RIMS1: variants seen among roughly 807,000 people sequenced by gnomAD.
RIMS1 encodes regulating synaptic membrane exocytosis 1, also known as regulating synaptic membrane exocytosis protein 1.
RIMS1 carries 83 observed loss-of-function variants against 214.1 expected under a neutral mutation model. The observed-to-expected ratio is 0.39, with a 90% CI of 0.32 to 0.47. The LOEUF (loss-of-function observed/expected upper bound fraction) is 0.47. Among genes scored for constraint, RIMS1 ranks in the 20% least tolerant of loss-of-function variants. The pLI is 0.99. For synonymous variants in RIMS1, 793 were observed against 786.8 expected (o/e 1.01, Z -0.13); for missense variants, 2,050 against 2,161.8 (o/e 0.95, Z 1.03).
chr6:72,149,648 C>A (rs951102042), intron 4 of RIMS1, among the ~76,000 whole-genome samples: 13 of 152,250 alleles, frequency 8.5e-5, no homozygotes, highest in African/African-American at 1.2e-4. Context: ...AGTCTGAGGA[C>A]AAAAAGTCTT....
intron 26 of RIMS1, among the ~76,000 whole-genome samples, chr6:72,296,980 C>A (rs985588983): frequency 2.0e-5 from 3 of 151,782 alleles, no homozygotes; most frequent in African/African-American, 7.3e-5. Flanking sequence ...TATTATTTCT[C>A]ACCCTTAGCA....
At chr6:72,355,750 G>A (rs759731561) in intron 29 of RIMS1, among the ~76,000 whole-genome samples, 1 of 152,026 alleles carries the variant, frequency 6.6e-6, no homozygotes, top group East Asian at 1.9e-4. Flanking sequence ...TAAATGAATC[G>A]TTGAGCTCCC....
intron 2 of RIMS1, among the ~76,000 whole-genome samples, chr6:71,971,896 A>G (rs1404083875): frequency 6.6e-6 from 1 of 152,204 alleles, no homozygotes; most frequent in Admixed American, 6.5e-5. Context: ...CACCCAAACC[A>G]TATCAGATGG....
chr6:72,239,025 T>A (rs902028958), intron 9 of RIMS1, among the ~76,000 whole-genome samples: 2 of 152,174 alleles, frequency 1.3e-5, no homozygotes, highest in Admixed American at 1.3e-4. Context: ...TGTTACACTG[T>A]TATTTCTTAT....
intron 6 of RIMS1, among the ~76,000 whole-genome samples, chr6:72,209,904 A>G (rs1265534311): frequency 2.3e-5 from 1 of 42,842 alleles, no homozygotes; most frequent in Non-Finnish European, 3.8e-5. Context: ...CTGTCTCAAA[A>G]AAAAAAAAAA....
intron 29 of RIMS1, among the ~76,000 whole-genome samples, chr6:72,359,936 A>G (rs1341392333): frequency 6.6e-6 from 1 of 152,206 alleles, no homozygotes; most frequent in Non-Finnish European, 1.5e-5. Flanking sequence ...AGCATCGTGT[A>G]CTCTTTTAAC....
chr6:72,173,087 G>C (rs773739652), intron 4 of RIMS1, among the ~76,000 whole-genome samples: 4 of 152,076 alleles, frequency 2.6e-5, no homozygotes, highest in Non-Finnish European at 5.9e-5. Flanking sequence ...CCTTATATTT[G>C]ATTGATGGTT....
chr6:72,101,602 AG>A (rs2033605463), intron 4 of RIMS1, among the ~76,000 whole-genome samples: 1 of 152,050 alleles, frequency 6.6e-6, no homozygotes, highest in Admixed American at 6.6e-5. Context: ...ATGGGTGGAA[AG>A]GGAAGAGAGA....
intron 4 of RIMS1, among the ~76,000 whole-genome samples, chr6:72,175,970 A>T (rs1323729817): frequency 6.6e-6 from 1 of 152,196 alleles, no homozygotes; most frequent in Non-Finnish European, 1.5e-5. Context: ...AGAGGAAAAG[A>T]CAATTAAAAA....
At chr6:72,235,753 T>C in intron 8 of RIMS1, 25 bp downstream of exon 8, 1 of 1,412,120 alleles carries the variant, frequency 7.1e-7, no homozygotes, top group Non-Finnish European at 9.8e-7. Context: ...TTAAAATGTT[T>C]CTTAAAGGGT....
At position 72,182,683 on chromosome 6, in the gene RIMS1, G is replaced by T. The variant is rs2048540369; in HGVS notation, c.1212G>T (p.Leu404=). 1.4e-6 allele frequency: 2 copies of T among 1,472,156 alleles called. No homozygotes were observed. The highest frequency in any genetic ancestry group is 1.8e-6 in the Non-Finnish European group (2 of 1,118,940). 91.2% of individuals were successfully genotyped at this position (1,472,156 alleles called of 1,614,324 possible). Residue 404 remains leucine, a synonymous_variant, in exon 6 of 34, where the codon CTG becomes CTT. Transcript: ENST00000521978. The part of the protein sequence containing the change: ...ALPRTEAGAA[L]PEGKAGKRAP... ...CGCGCACCGAGGCGGGCGCGGCGCT[G>T]CCGGAGGGCAAGGCCGGCAAACGCG...
chr6:72,099,380 C>G (rs927718428), intron 3 of RIMS1, among the ~76,000 whole-genome samples: 1 of 152,024 alleles, frequency 6.6e-6, no homozygotes, highest in Non-Finnish European at 1.5e-5. Context: ...ATATTTCATT[C>G]GGAGCACAAG....
chr6:71,993,395 C>T (rs1234243033), intron 2 of RIMS1, among the ~76,000 whole-genome samples: 1 of 152,084 alleles, frequency 6.6e-6, no homozygotes. Context: ...GTTCTCATGC[C>T]CAAAGTTCAT....
intron 9 of RIMS1, among the ~76,000 whole-genome samples, chr6:72,240,622 T>C (rs1482153798): frequency 7.5e-6 from 1 of 132,920 alleles, no homozygotes; most frequent in Non-Finnish European, 1.5e-5. Context: ...TTATTATATT[T>C]CTTTTTTCTT....
chr6:72,170,702 C>T (rs1434836105), intron 4 of RIMS1, among the ~76,000 whole-genome samples: 2 of 152,112 alleles, frequency 1.3e-5, no homozygotes, highest in African/African-American at 4.8e-5. Context: ...GAATTTTTGT[C>T]TATTTTTTTC....
chr6:72,347,667 A>T (rs1467681416), intron 29 of RIMS1, among the ~76,000 whole-genome samples: 2 of 151,778 alleles, frequency 1.3e-5, no homozygotes, highest in Non-Finnish European at 2.9e-5. Context: ...TATGCATCAG[A>T]CCTATCTTCC....
chr6:72,297,386 T>G (rs1356645537), intron 26 of RIMS1, among the ~76,000 whole-genome samples: 1 of 152,002 alleles, frequency 6.6e-6, no homozygotes, highest in Non-Finnish European at 1.5e-5. Flanking sequence ...TGGGCCATGA[T>G]CTAATTCCTT....
At chr6:72,086,047 A>C (rs1834582963) in intron 2 of RIMS1, among the ~76,000 whole-genome samples, 1 of 152,244 alleles carries the variant, frequency 6.6e-6, no homozygotes, top group African/African-American at 2.4e-5. Flanking sequence ...TTCATTTTAC[A>C]CTGGATTTTG....
At chr6:72,119,673 C>T (rs774818247) in intron 4 of RIMS1, among the ~76,000 whole-genome samples, 3 of 151,364 alleles carry the variant, frequency 2.0e-5, no homozygotes, top group Non-Finnish European at 4.4e-5. Context: ...TTTTTTAATA[C>T]TTTAAGTTCT....
Sources: allele counts gnomAD v4.1 joint callset (sites outside exome capture counted in the v4.1 genomes callset), GRCh38; gene constraint gnomAD v4.1.1; transcripts MANE v1.5; gene names NCBI Gene and HGNC (gene_info 2026-07-23, HGNC 2026-07-21).